The following ERC1 variants were observed in gnomAD, a reference collection of about 807,000 sequenced individuals.
ERC1 encodes the protein ELKS/RAB6-interacting/CAST family member 1, also known as RAB6 interacting protein 2.
ERC1 carries 56 observed loss-of-function variants against 132.0 expected under a neutral mutation model. The ratio of observed to expected loss-of-function variants is 0.42; its 90% CI spans 0.34 to 0.53. The LOEUF is 0.53. Ranked by LOEUF, ERC1 falls within the 20% of genes least tolerant of loss-of-function variation. The pLI, the probability that ERC1 is intolerant of heterozygous loss-of-function variation, is 0.03. For synonymous variants in ERC1, 478 were observed against 476.1 expected, an observed-to-expected ratio of 1.00 and a Z score of -0.05; for missense variants, 1,202 against 1,349.9, an observed-to-expected ratio of 0.89 and a Z score of 1.72.
intron 8 of ERC1, among the ~76,000 whole-genome samples, chr12:1,176,030 A>G (rs78963158): frequency 0.026 from 3,886 of 152,260 alleles, 163 homozygotes; most frequent in African/African-American, 0.088. Flanking sequence ...TTGACCTCCT[A>G]TTGTGAATCA....
At chr12:1,471,165 C>A (rs1317469463) in intron 18 of ERC1, among the ~76,000 whole-genome samples, 2 of 152,136 alleles carry the variant, frequency 1.3e-5, no homozygotes, top group Non-Finnish European at 2.9e-5. Context: ...TGGCACACAC[C>A]CGTAGTCCCA....
At chr12:1,401,334 A>G (rs186088936) in intron 16 of ERC1, among the ~76,000 whole-genome samples, 160 of 152,314 alleles carry the variant, frequency 1.1e-3, no homozygotes, top group African/African-American at 3.6e-3. Context: ...TAGTCATAGT[A>G]GTAGAAGAAG....
At chr12:1,022,681 T>C (rs1966557630) in intron 1 of ERC1, among the ~76,000 whole-genome samples, 1 of 152,260 alleles carries the variant, frequency 6.6e-6, no homozygotes, top group South Asian at 2.1e-4. Flanking sequence ...TTTTTTCTTT[T>C]TTGAGACAGA....
At chr12:1,052,971 GAA>G (rs35591043) in intron 2 of ERC1, among the ~76,000 whole-genome samples, 1 of 142,568 alleles carries the variant, frequency 7.0e-6, no homozygotes, top group African/African-American at 2.5e-5. Flanking sequence ...ACTATGTCTC[GAA>G]AAAAAAAAAA....
chr12:1,396,683 G>A (rs1566765030), intron 16 of ERC1, among the ~76,000 whole-genome samples: 1 of 152,208 alleles, frequency 6.6e-6, no homozygotes. Context: ...AGAGGGGGCT[G>A]AAAGATAAAG....
chr12:1,373,375 T>C (rs1014698591), intron 16 of ERC1, among the ~76,000 whole-genome samples: 5 of 152,254 alleles, frequency 3.3e-5, no homozygotes, highest in African/African-American at 1.2e-4. Context: ...CTTGATCTCT[T>C]CACTTAAGAC....
At chr12:1,263,693 T>G (rs1416210928) in intron 14 of ERC1, among the ~76,000 whole-genome samples, 1 of 152,054 alleles carries the variant, frequency 6.6e-6, no homozygotes, top group Non-Finnish European at 1.5e-5. Context: ...TCTTTTATTA[T>G]TATTAATTTT....
At chr12:1,142,257 C>T (rs1392246393) in intron 8 of ERC1, among the ~76,000 whole-genome samples, 2 of 152,164 alleles carry the variant, frequency 1.3e-5, no homozygotes, top group African/African-American at 4.8e-5. Flanking sequence ...ACAAATCTTA[C>T]TGTTCCTTAG....
At chr12:1,032,266 G>A (rs1237938945) in intron 2 of ERC1, among the ~76,000 whole-genome samples, 1 of 152,084 alleles carries the variant, frequency 6.6e-6, no homozygotes, top group Admixed American at 6.6e-5. Flanking sequence ...GGCCAGGCTG[G>A]TCTTGAACTC....
chr12:1,414,082 C>T (rs897551717), intron 17 of ERC1, among the ~76,000 whole-genome samples: 5 of 152,188 alleles, frequency 3.3e-5, no homozygotes, highest in Non-Finnish European at 5.9e-5. Flanking sequence ...CTAATGCCGC[C>T]GCTGATCCAG....
chr12:1,350,948 TC>T (rs1312402777), intron 15 of ERC1, among the ~76,000 whole-genome samples: 2 of 152,138 alleles, frequency 1.3e-5, no homozygotes, highest in Non-Finnish European at 2.9e-5. Context: ...ACTAATCTGT[TC>T]CCTGCAATAC....
At chr12:1,325,133 C>G (rs2154355515) in intron 15 of ERC1, among the ~76,000 whole-genome samples, 1 of 152,280 alleles carries the variant, frequency 6.6e-6, no homozygotes, top group South Asian at 2.1e-4. Context: ...AGAAGCTCTT[C>G]AGCTTCCCTT....
chr12:1,389,532 A>G (rs1047585697), intron 16 of ERC1, among the ~76,000 whole-genome samples: 1 of 152,208 alleles, frequency 6.6e-6, no homozygotes, highest in Non-Finnish European at 1.5e-5. Flanking sequence ...GCTCTACTGG[A>G]TATGCATTGC....
chr12:1,002,825 A>G (rs1357642362), intron 1 of ERC1, among the ~76,000 whole-genome samples: 1 of 152,152 alleles, frequency 6.6e-6, no homozygotes, highest in African/African-American at 2.4e-5. Flanking sequence ...TGAAATGCTT[A>G]TTCACATGTC....
At chr12:1,379,081 G>A (rs1041760216) in intron 16 of ERC1, among the ~76,000 whole-genome samples, 2 of 152,128 alleles carry the variant, frequency 1.3e-5, no homozygotes, top group Non-Finnish European at 2.9e-5. Context: ...TAAAATATAT[G>A]TATTTTAGAT....
rs2094348248 is a variant in ERC1, at chr12:1,495,236, GGGT to G, written c.*5008_*5010del. 8.7e-6 allele frequency: 2 copies of G among 230,548 alleles called. No individual in the cohort carries two copies. Among genetic ancestry groups the G allele is most frequent in the South Asian group, 1.8e-4 (1 of 5,512 alleles). The allele number at this position is 230,548 out of a possible 1,614,324, so 14.3% of individuals were successfully genotyped here. Reference sequence around the variant, plus strand: ...ATCTCTTCCAGTGACCACCCAGCACGGGTGAGCACTGGCCAGCCTGGAGCCTGC... The same window carrying G: ...ATCTCTTCCAGTGACCACCCAGCACGGAGCACTGGCCAGCCTGGAGCCTGC... On this transcript the variant is annotated 3_prime_UTR_variant, in exon 19 of 19. Transcript: ENST00000360905.
intron 12 of ERC1, among the ~76,000 whole-genome samples, chr12:1,219,975 T>A (rs1203063576): frequency 2.0e-5 from 3 of 152,182 alleles, no homozygotes; most frequent in Non-Finnish European, 4.4e-5. Flanking sequence ...CAGCTTAGGC[T>A]CTGTATCCTA....
rs1393007041 is a variant in ERC1, at chr12:1,293,488, G to A, written c.2780+3476G>A. Among the ~76,000 whole-genome samples the A allele has an allele frequency of 6.5e-5, 8 of 122,892 alleles. 1 individual carries two copies. The highest frequency in any genetic ancestry group is 2.4e-4 in the African/African-American group (8 of 33,280). The allele number at this position is 122,892 out of a possible 152,430, so 80.6% of individuals were successfully genotyped here. A position where few individuals can be genotyped will look rare whatever the true frequency, so the allele number is the denominator to read the frequency against. ...AACAACAACAACAACAATTAGCCAG[G>A]CGTGGTGGCGTGCGCCTGTAATCCC... On this transcript the variant is annotated intron_variant, in intron 15 of 18. Coordinates refer to ENST00000360905, the MANE Select transcript of ERC1 (RefSeq NM_178040.4).
intron 15 of ERC1, among the ~76,000 whole-genome samples, chr12:1,338,225 T>G (rs1360780479): frequency 6.6e-6 from 1 of 152,178 alleles, no homozygotes; most frequent in Non-Finnish European, 1.5e-5. Context: ...GAGGTTTTGT[T>G]TATTCCTTTA....
Sources: gnomAD v4.1 joint callset for allele counts (sites outside exome capture counted in the v4.1 genomes callset) on GRCh38, gnomAD v4.1.1 for gene constraint, MANE v1.5 for transcripts, NCBI Gene and HGNC (gene_info 2026-07-23, HGNC 2026-07-21) for gene names.